Variants in OGFOD3 observed in about 807,000 individuals in gnomAD.
OGFOD3 encodes the protein 2-oxoglutarate and iron dependent oxygenase domain containing 3.
OGFOD3 carries 35 observed loss-of-function variants against 39.8 expected under a neutral mutation model. The observed-to-expected ratio is 0.88, with a 90% CI of 0.67 to 1.17. The LOEUF (loss-of-function observed/expected upper bound fraction) is 1.17. Among genes scored for constraint, OGFOD3 ranks in the 50% most tolerant of loss-of-function variants. The pLI is 0.00. For missense variants in OGFOD3, 438 were observed against 454.5 expected (o/e 0.96, Z 0.33); for synonymous variants, 200 against 192.0 (o/e 1.04, Z -0.34).
Position 82,392,312 on chromosome 17 carries a change from G to A in OGFOD3, c.*86C>T. On this transcript the variant is annotated 3_prime_UTR_variant, in exon 9 of 9. Transcript: ENST00000313056. The surrounding 1 kb of genome is among the most constrained non-coding windows in gnomAD (Gnocchi z 4.2). ...ATTCCTAAGGCACTCTGTGCAACAG[G>A]AGCGGGTGGACGTGGGGGTGGGTGC... The A allele has an allele frequency of 1.4e-6, 2 of 1,427,176 alleles. No individual in the cohort carries two copies. Among genetic ancestry groups the A allele is most frequent in the South Asian group, 2.6e-5 (2 of 77,644 alleles). The allele number at this position is 1,427,176 out of a possible 1,614,324, so 88.4% of individuals were successfully genotyped here. A position where few individuals can be genotyped will look rare whatever the true frequency, so the allele number is the denominator to read the frequency against.
chr17:82,390,371 C>G lies in OGFOD3; in HGVS notation c.*2027G>C, dbSNP rs2052585294. 1.3e-5 allele frequency: 2 copies of G among 152,416 alleles called. No homozygotes were observed. Among genetic ancestry groups the G allele is most frequent in the Admixed American group, 6.5e-5 (1 of 15,306 alleles). 9.4% of individuals were successfully genotyped at this position (152,416 alleles called of 1,614,324 possible). On this transcript the variant is annotated 3_prime_UTR_variant, in exon 9 of 9. Transcript: ENST00000313056. This position sits in a 1 kb window ranked among gnomAD's most constrained non-coding sequence, Gnocchi z 4.9. ...CGGCCCAGGCTCAGGCGACTTCCCACCCACGATGGGGCCCACCAGCCCGAC... is the reference window on the plus strand; with the variant it reads ...CGGCCCAGGCTCAGGCGACTTCCCAGCCACGATGGGGCCCACCAGCCCGAC...
At chr17:82,402,885 G>A (rs890027452) in intron 7 of OGFOD3, among the ~76,000 whole-genome samples, 5 of 152,142 alleles carry the variant, frequency 3.3e-5, no homozygotes. Context: ...GAAACCCTGT[G>A]TCTACAAAAA....
chr17:82,402,982 C>T (rs2052791164), intron 7 of OGFOD3, among the ~76,000 whole-genome samples: 1 of 152,110 alleles, frequency 6.6e-6, no homozygotes, highest in South Asian at 2.1e-4. Context: ...ATGGCTTGAG[C>T]CTGGGAGGTC....
intron 1 of OGFOD3, among the ~76,000 whole-genome samples, chr17:82,416,696 G>A (rs1023183859): frequency 6.6e-6 from 1 of 151,478 alleles, no homozygotes; most frequent in East Asian, 1.9e-4. Context: ...TTGAGACAGA[G>A]TTTCACTCTT....
intron 8 of OGFOD3, chr17:82,396,447 GATGTATGACATCAAATC>G (rs2052675344): frequency 1.3e-5 from 2 of 151,816 alleles, no homozygotes; most frequent in Non-Finnish European, 2.9e-5. Context: ...CACACAATTA[GATGTATGACATCAAATC>G]ACAGGTAAAC....
chr17:82,409,269 A>G, intron 4 of OGFOD3, 99 bp downstream of exon 4: 5 of 1,248,164 alleles, frequency 4.0e-6, no homozygotes, highest in Non-Finnish European at 5.8e-6. Context: ...ATTTGGGGGC[A>G]CGCAGGGAAC....
intron 2 of OGFOD3, among the ~76,000 whole-genome samples, chr17:82,412,761 G>A (rs949587626): frequency 2.6e-5 from 4 of 152,312 alleles, no homozygotes; most frequent in Non-Finnish European, 4.4e-5. Flanking sequence ...CTGGAAAGGC[G>A]TCAGGCCATG....
In OGFOD3 at chr17:82,398,181, G is replaced by A. The variant is rs777453050; in HGVS notation, c.823+15C>T. ...GCCAGGAGCCCCACGCCCAGGCCCC[G>A]CCCGCGCCTCCTACCAGCTCTCGGC... On this transcript the variant is annotated intron_variant, in intron 8 of 8. Transcript: ENST00000313056. The A allele has an allele frequency of 1.1e-4, 182 of 1,613,558 alleles. No individual in the cohort carries two copies. The highest frequency in any genetic ancestry group is 3.3e-4 in the Middle Eastern group (2 of 6,046).
intron 7 of OGFOD3, among the ~76,000 whole-genome samples, chr17:82,399,439 G>C (rs1240168046): frequency 6.6e-6 from 1 of 152,208 alleles, no homozygotes; most frequent in Non-Finnish European, 1.5e-5. Context: ...GCAATCCCAA[G>C]CTTTTTAAAA....
rs980825885 is a variant in OGFOD3, at chr17:82,406,657, C to T, written c.424-175G>A. ...TCTTATTCTGTTGCCCAGGCTAGGG[C>T]GCAGTGGCACAATCTCAGCTCATTG... On this transcript the variant is annotated intron_variant, in intron 4 of 8. Transcript: ENST00000313056. This position sits in a 1 kb window ranked among gnomAD's most constrained non-coding sequence, Gnocchi z 5.2. 7.9e-5 allele frequency among the ~76,000 whole-genome samples: 12 copies of T among 152,106 alleles called. No homozygotes were observed. The highest frequency in any genetic ancestry group is 1.2e-4 in the African/African-American group (5 of 41,418).
At position 82,411,495 on chromosome 17, in the gene OGFOD3, C is replaced by T. The variant is rs2052942161; in HGVS notation, c.340G>A (p.Asp114Asn). 5 of 1,614,144 alleles carry T rather than the reference C, an allele frequency of 3.1e-6. No individual in the cohort carries two copies. In the East Asian group the frequency reaches 8.9e-5, roughly 29 times the overall value. Reference sequence around the variant, plus strand: ...GCTTCCTCCCTGGTGATGACGACATCGGTGACACCTCTGCCGCACTTTCGG... The same window carrying T: ...GCTTCCTCCCTGGTGATGACGACATTGGTGACACCTCTGCCGCACTTTCGG... ...TPRKCGRGVT[D>N]VVITREEAER... Residue 114 changes from aspartate to asparagine, a missense_variant, in exon 3 of 9, where the codon GAT becomes AAT. Physicochemically the swap from Asp to Asn is conservative, Grantham distance 23 (BLOSUM62 1). Coordinates refer to ENST00000313056, the MANE Select transcript of OGFOD3 (RefSeq NM_024648.3).
At chr17:82,405,485 A>C in intron 5 of OGFOD3, 105 bp from the exon 6 acceptor site, 4 of 935,516 alleles carry the variant, frequency 4.3e-6, no homozygotes, top group Non-Finnish European at 6.9e-6. Flanking sequence ...CAACTCACAC[A>C]TTCAGAGCAA....
Position 82,409,386 on chromosome 17 carries a change from C to T in OGFOD3, c.405G>A (p.Leu135=), listed in dbSNP as rs201971168. The change falls in exon 4 of 9, where the codon CTG becomes CTA. Residue 135 remains leucine (L), a synonymous_variant. Coordinates refer to ENST00000313056, the MANE Select transcript of OGFOD3 (RefSeq NM_024648.3). The part of the protein sequence containing the change: ...IRSVAEKGLS[L]GGSDGGASIL... Reference sequence around the variant, plus strand: ...AACTCACCCCTCCGTCAGATCCTCCCAGGGAGAGCCCCTTTTCAGCTACGC... The same window carrying T: ...AACTCACCCCTCCGTCAGATCCTCCTAGGGAGAGCCCCTTTTCAGCTACGC... The T allele has an allele frequency of 3.7e-6, 6 of 1,614,112 alleles. No homozygotes were observed. The highest frequency in any genetic ancestry group is 5.1e-6 in the Non-Finnish European group (6 of 1,179,978).
intron 6 of OGFOD3, 141 bp downstream of exon 6, chr17:82,405,183 T>A (rs751778576): frequency 1.4e-6 from 1 of 693,222 alleles, no homozygotes; most frequent in Non-Finnish European, 2.5e-6. Context: ...CGGCCTTTGC[T>A]CCATGAGAAC....
At chr17:82,405,218 C>G in intron 6 of OGFOD3, 106 bp downstream of exon 6, 3 of 956,468 alleles carry the variant, frequency 3.1e-6, no homozygotes, top group Non-Finnish European at 5.0e-6. Flanking sequence ...CTGGCCCTGG[C>G]CCCTGGGCCT....
rs2053132118 is a variant in OGFOD3, at chr17:82,418,554, A to G, written c.-69T>C. The stretch of plus-strand genomic sequence containing the variant: ...CCCGGGGACGAACGCCGTAACAGGG[A>G]GCGCGAGGCAGGCACGGCGCAGGGA... On this transcript the variant is annotated 5_prime_UTR_variant, in exon 1 of 9. Transcript: ENST00000313056. The G allele has an allele frequency of 2.1e-5, 18 of 858,170 alleles. No homozygotes were observed. The highest frequency in any genetic ancestry group is 2.8e-5 in the Non-Finnish European group (18 of 637,746). The allele number at this position is 858,170 out of a possible 1,614,324, so 53.2% of individuals were successfully genotyped here. A position where few individuals can be genotyped will look rare whatever the true frequency, so the allele number is the denominator to read the frequency against.
At chr17:82,394,382 C>T in intron 8 of OGFOD3, 1 of 1,600,044 alleles carries the variant, frequency 6.2e-7, no homozygotes, top group Non-Finnish European at 8.5e-7. Context: ...CAACAATAAG[C>T]AATGCTCTCA....
At chr17:82,401,777 C>T (rs1046536532) in intron 7 of OGFOD3, among the ~76,000 whole-genome samples, 3 of 116,028 alleles carry the variant, frequency 2.6e-5, no homozygotes, top group African/African-American at 9.8e-5. Context: ...GCACTCCAGC[C>T]TGGGTGGCAG....
intron 8 of OGFOD3, among the ~76,000 whole-genome samples, chr17:82,395,738 G>A (rs1028877289): frequency 3.9e-5 from 6 of 152,132 alleles, no homozygotes; most frequent in Non-Finnish European, 5.9e-5. Context: ...GGAGAATGGC[G>A]TGAATCCGGG....
Sources: allele counts gnomAD v4.1 joint callset (sites outside exome capture counted in the v4.1 genomes callset), GRCh38; gene constraint gnomAD v4.1.1; non-coding constraint Gnocchi (gnomAD v3.1); transcripts MANE v1.5; gene names NCBI Gene and HGNC (gene_info 2026-07-23, HGNC 2026-07-21).